The following ADARB1 variants were observed in gnomAD, a reference collection of about 807,000 sequenced individuals.
ADARB1 encodes the protein double-stranded RNA-specific editase 1.
A neutral mutation model predicts 52.4 loss-of-function variants in ADARB1; 10 were observed. The observed-to-expected ratio is 0.19, with a 90% CI of 0.12 to 0.32. The LOEUF (loss-of-function observed/expected upper bound fraction) is 0.32. Among genes scored for constraint, ADARB1 ranks in the 10% least tolerant of loss-of-function variants. ADARB1 has a pLI of 1.00. For synonymous variants in ADARB1, 349 were observed against 371.1 expected (o/e 0.94, Z 0.68); for missense variants, 643 against 922.3 (o/e 0.70, Z 3.92).
At chr21:45,159,825 A>T (rs2090870123) in intron 2 of ADARB1, among the ~76,000 whole-genome samples, 1 of 152,210 alleles carries the variant, frequency 6.6e-6, no homozygotes, top group Non-Finnish European at 1.5e-5. Flanking sequence ...GTTGGCTTCC[A>T]AGAGGCCAGA....
At chr21:45,141,183 G>C (rs374678411) in intron 2 of ADARB1, among the ~76,000 whole-genome samples, 2 of 152,262 alleles carry the variant, frequency 1.3e-5, no homozygotes, top group South Asian at 4.1e-4. Flanking sequence ...GCGACAGAGC[G>C]AGACCCTGTC....
At chr21:45,109,187 ATG>A (rs1489795560) in intron 1 of ADARB1, among the ~76,000 whole-genome samples, 1 of 67,728 alleles carries the variant, frequency 1.5e-5, no homozygotes, top group Non-Finnish European at 3.6e-5. Context: ...GTGTGCGTAT[ATG>A]TGTGTGCACG....
intron 8 of ADARB1, among the ~76,000 whole-genome samples, chr21:45,186,157 G>T (rs574604531): frequency 6.6e-6 from 1 of 152,188 alleles, no homozygotes; most frequent in Non-Finnish European, 1.5e-5. Context: ...GAATTATTTG[G>T]AGTATTTGTT....
chr21:45,188,835 T>C (rs2092196448), intron 8 of ADARB1, among the ~76,000 whole-genome samples: 1 of 152,182 alleles, frequency 6.6e-6, no homozygotes, highest in South Asian at 2.1e-4. Context: ...CCATTTCCAT[T>C]TTCATTGCTG....
At chr21:45,086,261 G>A (rs1467867826) in intron 1 of ADARB1, among the ~76,000 whole-genome samples, 1 of 152,218 alleles carries the variant, frequency 6.6e-6, no homozygotes, top group African/African-American at 2.4e-5. Flanking sequence ...AATGCTTTGA[G>A]TCTTCACCTT....
At position 45,157,257 on chromosome 21, in the gene ADARB1, A is replaced by G. The variant is rs2090707717; in HGVS notation, c.-47-14353A>G. Among the ~76,000 whole-genome samples the G allele has an allele frequency of 6.6e-6, 1 of 152,260 alleles. No homozygotes were observed. Among genetic ancestry groups the G allele is most frequent in the African/African-American group, 2.4e-5 (1 of 41,466 alleles). ...AAGTAGATTTGTGAAATTGCACTTG[A>G]AATACCATGGAAATTGGATCCAAAG... On this transcript the variant is annotated intron_variant, in intron 2 of 10. Coordinates refer to ENST00000348831, the MANE Select transcript of ADARB1 (RefSeq NM_001112.4). The surrounding 1 kb of genome is among the most constrained non-coding windows in gnomAD (Gnocchi z 4.1).
Position 45,221,646 on chromosome 21 carries a change from C to T in ADARB1, c.1927-372C>T, listed in dbSNP as rs1030344507. On this transcript the variant is annotated intron_variant, in intron 10 of 10. Coordinates refer to ENST00000348831, the MANE Select transcript of ADARB1 (RefSeq NM_001112.4). The surrounding 1 kb of genome is among the most constrained non-coding windows in gnomAD (Gnocchi z 4.9). ...TCCAAGGTCCACACAGAAGGAGTTA[C>T]TGGCCGCATGAGGGAAGGCCTCCGA... Among the ~76,000 whole-genome samples the T allele has an allele frequency of 6.6e-6, 1 of 152,202 alleles. No homozygotes were observed. Among genetic ancestry groups the T allele is most frequent in the Non-Finnish European group, 1.5e-5 (1 of 68,026 alleles).
chr21:45,088,635 G>A (rs966406816), intron 1 of ADARB1, among the ~76,000 whole-genome samples: 1 of 152,216 alleles, frequency 6.6e-6, no homozygotes, highest in African/African-American at 2.4e-5. Context: ...TCCGCGGGAG[G>A]ATGCTGATTA....
At chr21:45,164,222 A>G (rs924482650) in intron 2 of ADARB1, among the ~76,000 whole-genome samples, 2 of 152,126 alleles carry the variant, frequency 1.3e-5, no homozygotes, top group African/African-American at 4.8e-5. Context: ...TTTTTAGGAA[A>G]CAACTGTAGC....
intron 3 of ADARB1, among the ~76,000 whole-genome samples, chr21:45,173,114 T>C (rs2091554596): frequency 6.6e-6 from 1 of 152,234 alleles, no homozygotes. Flanking sequence ...GGCTTTGTGA[T>C]CGTGTAGGTT....
At position 45,172,307 on chromosome 21, in the gene ADARB1, A is replaced by G. The variant is rs992710037; in HGVS notation, c.28+623A>G. On this transcript the variant is annotated intron_variant, in intron 3 of 10. Coordinates refer to ENST00000348831, the MANE Select transcript of ADARB1 (RefSeq NM_001112.4). The surrounding 1 kb of genome is among the most constrained non-coding windows in gnomAD (Gnocchi z 4.4). ...TAGTTCATCTTCAGTCCCAGAAAACAGGTTTAGATGCTTCCACGGAAGTTG... is the reference window on the plus strand; with the variant it reads ...TAGTTCATCTTCAGTCCCAGAAAACGGGTTTAGATGCTTCCACGGAAGTTG... Among the ~76,000 whole-genome samples the G allele has an allele frequency of 2.0e-5, 3 of 152,180 alleles. No individual in the cohort carries two copies. Among genetic ancestry groups the G allele is most frequent in the African/African-American group, 7.2e-5 (3 of 41,432 alleles).
chr21:45,096,595 C>T (rs1242867806), intron 1 of ADARB1, among the ~76,000 whole-genome samples: 1 of 152,196 alleles, frequency 6.6e-6, no homozygotes, highest in African/African-American at 2.4e-5. Context: ...GAAGGAACTG[C>T]TCTTGTCCCC....
At chr21:45,139,710 T>C (rs1353911406) in intron 2 of ADARB1, among the ~76,000 whole-genome samples, 1 of 152,244 alleles carries the variant, frequency 6.6e-6, no homozygotes, top group Non-Finnish European at 1.5e-5. Flanking sequence ...CCGTGTTCTC[T>C]TGTTGAGAGG....
At chr21:45,086,986 A>G (rs963885492) in intron 1 of ADARB1, among the ~76,000 whole-genome samples, 2 of 152,210 alleles carry the variant, frequency 1.3e-5, no homozygotes, top group Admixed American at 6.5e-5. Flanking sequence ...AGGATGAAAT[A>G]TGGTTATAAT....
At chr21:45,147,539 T>C (rs2090066500) in intron 2 of ADARB1, among the ~76,000 whole-genome samples, 1 of 152,204 alleles carries the variant, frequency 6.6e-6, no homozygotes, top group Admixed American at 6.5e-5. Context: ...CGTGCTACCT[T>C]AGACTGGAGA....
In ADARB1 at chr21:45,128,142, G is replaced by A. The variant is rs2088709495; in HGVS notation, c.-219-260G>A. 6.6e-6 allele frequency among the ~76,000 whole-genome samples: 1 copy of A among 152,254 alleles called. No individual in the cohort carries two copies. Among genetic ancestry groups the A allele is most frequent in the Non-Finnish European group, 1.5e-5 (1 of 68,044 alleles). Reference sequence around the variant, plus strand: ...TGTGTGGCCTGGTGCCGCTGATGCCGAGATGTTGGGCTGGCAGCGATCTGC... The same window carrying A: ...TGTGTGGCCTGGTGCCGCTGATGCCAAGATGTTGGGCTGGCAGCGATCTGC... On this transcript the variant is annotated intron_variant, in intron 1 of 10. Transcript: ENST00000348831. This position sits in a 1 kb window ranked among gnomAD's most constrained non-coding sequence, Gnocchi z 4.6.
chr21:45,154,974 G>A (rs952417045), intron 2 of ADARB1, among the ~76,000 whole-genome samples: 3 of 152,212 alleles, frequency 2.0e-5, no homozygotes, highest in South Asian at 2.1e-4. Flanking sequence ...CCAGTGGGAG[G>A]GGAGAGAGAT....
intron 2 of ADARB1, among the ~76,000 whole-genome samples, chr21:45,154,632 ACTCCTGGAT>A (rs1479421878): frequency 6.6e-6 from 1 of 152,052 alleles, no homozygotes; most frequent in East Asian, 1.9e-4. Context: ...TTTTTTCATC[ACTCCTGGAT>A]TATACTTGCA....
intron 9 of ADARB1, among the ~76,000 whole-genome samples, chr21:45,218,741 A>C (rs2092912286): frequency 6.6e-6 from 1 of 152,158 alleles, no homozygotes; most frequent in Non-Finnish European, 1.5e-5. Context: ...GCAAGTGAGC[A>C]TGGTGACGGG....
Sources: allele counts gnomAD v4.1 joint callset (sites outside exome capture counted in the v4.1 genomes callset), GRCh38; gene constraint gnomAD v4.1.1; non-coding constraint Gnocchi (gnomAD v3.1); transcripts MANE v1.5; gene names NCBI Gene and HGNC (gene_info 2026-07-23, HGNC 2026-07-21).